ARID1A: variants seen among roughly 807,000 people sequenced by gnomAD.
ARID1A encodes AT-rich interaction domain 1A, also known as AT-rich interactive domain-containing protein 1A.
A neutral mutation model predicts 212.6 loss-of-function variants in ARID1A; 20 were observed. That is an observed-to-expected ratio of 0.09 (90% CI 0.07 to 0.14). The LOEUF (loss-of-function observed/expected upper bound fraction) is 0.14. Among genes scored for constraint, ARID1A ranks in the 10% least tolerant of loss-of-function variants. ARID1A has a pLI of 1.00. For synonymous variants in ARID1A, 1,376 were observed against 1,222.1 expected (o/e 1.13, Z -2.63); for missense variants, 2,587 against 3,059.0 (o/e 0.85, Z 3.64).
intron 4 of ARID1A, among the ~76,000 whole-genome samples, chr1:26,746,293 G>T (rs1468530359): frequency 1.3e-5 from 2 of 152,152 alleles, no homozygotes; most frequent in Admixed American, 1.3e-4. Context: ...TAGTCATCAT[G>T]GATGAACTCA....
chr1:26,724,132 A>G (rs1368137795), intron 1 of ARID1A, among the ~76,000 whole-genome samples: 1 of 152,170 alleles, frequency 6.6e-6, no homozygotes, highest in Admixed American at 6.5e-5. Context: ...CCAGGAATAA[A>G]TTGAAAGCAC....
At position 26,775,594 on chromosome 1, in the gene ARID1A, C is replaced by T. The variant is rs769528458; in HGVS notation, c.5011C>T (p.Arg1671Trp). Residue 1671 changes from arginine to tryptophan, a missense_variant, in exon 19 of 20, where the codon CGG (arginine) becomes TGG (tryptophan). Transcript: ENST00000324856. ...TATTTCAGGAACCCCGGAGGCATGG[C>T]GGGTAATGATGTCCCTCAAGTCTGG... ...MKDIGTPEAWRVMMSLKSGLL... is the reference protein window; with the variant it reads ...MKDIGTPEAWWVMMSLKSGLL... 9 of 1,613,902 alleles carry T rather than the reference C, an allele frequency of 5.6e-6. No homozygotes were observed. The highest frequency in any genetic ancestry group is 1.1e-5 in the South Asian group (1 of 91,066).
In ARID1A at chr1:26,773,814, T is replaced by C; in HGVS notation, c.4017T>C (p.Tyr1339=). 1 of 1,614,144 alleles carries C rather than the reference T, an allele frequency of 6.2e-7. No homozygotes were observed. The highest frequency in any genetic ancestry group is 8.5e-7 in the Non-Finnish European group (1 of 1,180,014). The change falls in exon 17 of 20, where the codon TAT becomes TAC. Residue 1339 remains tyrosine, a synonymous_variant. Coordinates refer to ENST00000324856, the MANE Select transcript of ARID1A (RefSeq NM_006015.6). The part of the protein sequence containing the change: ...QQQQQQRHDS[Y]GNQFSTQGTP... The stretch of plus-strand genomic sequence containing the variant: ...TTGCCTCCTATAGACATGATTCCTA[T>C]GGCAATCAGTTCTCCACCCAAGGCA...
chr1:26,713,556 C>T (rs1047245644), intron 1 of ARID1A, among the ~76,000 whole-genome samples: 1 of 152,052 alleles, frequency 6.6e-6, no homozygotes, highest in Non-Finnish European at 1.5e-5. Context: ...GACAGGGTTT[C>T]ACCATGTTGG....
intron 1 of ARID1A, among the ~76,000 whole-genome samples, chr1:26,707,685 CTTA>C (rs2080406565): frequency 6.6e-6 from 1 of 152,096 alleles, no homozygotes; most frequent in African/African-American, 2.4e-5. Flanking sequence ...CATTTGAGTA[CTTA>C]TTATGTGCTA....
intron 1 of ARID1A, 75 bp from the exon 2 acceptor site, chr1:26,729,576 T>C: frequency 6.5e-7 from 1 of 1,531,710 alleles, no homozygotes; most frequent in Admixed American, 1.7e-5. Context: ...TAAAAAAACC[T>C]GTGTACTTGG....
At chr1:26,766,191 G>A (rs751201318) in intron 8 of ARID1A, 30 bp from the exon 9 acceptor site, 2 of 1,607,502 alleles carry the variant, frequency 1.2e-6, no homozygotes, top group Admixed American at 3.4e-5. Context: ...TCTAACCTTT[G>A]TCTCTCTCAC....
intron 4 of ARID1A, among the ~76,000 whole-genome samples, chr1:26,754,444 T>C (rs1557604094): frequency 6.6e-6 from 1 of 152,192 alleles, no homozygotes; most frequent in Non-Finnish European, 1.5e-5. Flanking sequence ...TTGTTATATC[T>C]CTCATTCCAG....
In ARID1A at chr1:26,762,135, A is replaced by C. The variant is rs1433592501; in HGVS notation, c.2252-17A>C. On this transcript the variant is annotated splice_polypyrimidine_tract_variant and intron_variant, in intron 6 of 19. Coordinates refer to ENST00000324856, the MANE Select transcript of ARID1A (RefSeq NM_006015.6). ...TTGTATAAAGCTAATAACTATATGGATGCTACCCACAAATAGGTTATATGC... is the reference window on the plus strand; with the variant it reads ...TTGTATAAAGCTAATAACTATATGGCTGCTACCCACAAATAGGTTATATGC... 1.2e-6 allele frequency: 2 copies of C among 1,606,318 alleles called. No individual in the cohort carries two copies. The highest frequency in any genetic ancestry group is 1.7e-6 in the Non-Finnish European group (2 of 1,175,528).
At position 26,771,643 on chromosome 1, in the gene ARID1A, C is replaced by G; in HGVS notation, c.3406+317C>G. The G allele has an allele frequency of 5.1e-6, 2 of 393,092 alleles. No homozygotes were observed. The highest frequency in any genetic ancestry group is 2.8e-5 in the South Asian group (1 of 35,760). 24.4% of individuals were successfully genotyped at this position (393,092 alleles called of 1,614,324 possible). On this transcript the variant is annotated intron_variant, in intron 12 of 19. Coordinates refer to ENST00000324856, the MANE Select transcript of ARID1A (RefSeq NM_006015.6). This position sits in a 1 kb window ranked among gnomAD's most constrained non-coding sequence, Gnocchi z 5.4. ...ATAAATGGCAGCAAGGCAGGGCCAT[C>G]TGGGAGCTTTGGCCTATTGATGTCA... is the stretch of plus-strand genomic sequence containing the variant.
At position 26,760,893 on chromosome 1, in the gene ARID1A, C is replaced by G. The variant is rs2080985489; in HGVS notation, c.1958C>G (p.Thr653Arg). Residue 653 changes from threonine to arginine, a missense_variant, in exon 5 of 20, where the codon ACA becomes AGA. Thr to Arg is a moderately conservative substitution (Grantham distance 71). Around this residue, in one of 11 missense-constraint regions of ARID1A, gnomAD observed 674 missense variants for 813.4 expected, o/e 0.83. Coordinates refer to ENST00000324856, the MANE Select transcript of ARID1A (RefSeq NM_006015.6). ...SGSIDDLPMG[T>R]EGALSPGVST... ...TCAATAGATGACCTCCCCATGGGGACAGAAGGAGCTCTGAGTCCTGGAGTG... is the reference window on the plus strand; with the variant it reads ...TCAATAGATGACCTCCCCATGGGGAGAGAAGGAGCTCTGAGTCCTGGAGTG... The G allele has an allele frequency of 6.2e-7, 1 of 1,613,924 alleles. No homozygotes were observed. Among genetic ancestry groups the G allele is most frequent in the Non-Finnish European group, 8.5e-7 (1 of 1,179,914 alleles).
chr1:26,774,030 C>T lies in ARID1A; in HGVS notation c.4101+132C>T. The T allele has an allele frequency of 8.0e-7, 1 of 1,243,842 alleles. No homozygotes were observed. The highest frequency in any genetic ancestry group is 1.4e-5 in the South Asian group (1 of 70,510). The allele number at this position is 1,243,842 out of a possible 1,614,324, so 77.1% of individuals were successfully genotyped here. The stretch of plus-strand genomic sequence containing the variant: ...GGCATTCTTCTCTCACCTGACTGGC[C>T]AGTCCTGCCTGAAGAGCCACGTCCT... On this transcript the variant is annotated intron_variant, in intron 17 of 19. Transcript: ENST00000324856. This position sits in a 1 kb window ranked among gnomAD's most constrained non-coding sequence, Gnocchi z 5.6.
Position 26,772,479 on chromosome 1 carries a change from A to G in ARID1A, c.3407-21A>G, listed in dbSNP as rs753531400. The G allele has an allele frequency of 3.7e-6, 6 of 1,614,084 alleles. 1 individual carries two copies. The Admixed American group carries it at 1.0e-4, about 27-fold the overall frequency. ...CACTGTCATGCCAAGCAAACTACTCAACTTGTATCTCTGTCCACAGCGGGA... is the reference window on the plus strand; with the variant it reads ...CACTGTCATGCCAAGCAAACTACTCGACTTGTATCTCTGTCCACAGCGGGA... On this transcript the variant is annotated intron_variant, in intron 12 of 19. Transcript: ENST00000324856.
chr1:26,753,606 T>C (rs1277903667), intron 4 of ARID1A, among the ~76,000 whole-genome samples: 1 of 152,228 alleles, frequency 6.6e-6, no homozygotes, highest in Non-Finnish European at 1.5e-5. Flanking sequence ...GAAATTCTCC[T>C]GGCCCTGCTG....
chr1:26,778,942 T>TGG, intron 19 of ARID1A, 81 bp from the exon 20 acceptor site: 2 of 1,365,978 alleles, frequency 1.5e-6, no homozygotes, highest in Non-Finnish European at 2.0e-6. Flanking sequence ...ACAGAAGACT[T>TGG]GGGGAGGTCT....
At chr1:26,736,756 G>A (rs2080735008) in intron 4 of ARID1A, among the ~76,000 whole-genome samples, 1 of 151,482 alleles carries the variant, frequency 6.6e-6, no homozygotes, top group Admixed American at 6.6e-5. Flanking sequence ...TACAAAATTA[G>A]CCAGGCGTGG....
chr1:26,779,689 G>C lies in ARID1A; in HGVS notation c.5791G>C (p.Glu1931Gln), dbSNP rs587778052. Residue 1931 changes from glutamate (E) to glutamine (Q), a missense_variant, in exon 20 of 20, where the codon GAG becomes CAG. Glu to Gln is a conservative substitution (Grantham distance 29, BLOSUM62 2). Coordinates refer to ENST00000324856, the MANE Select transcript of ARID1A (RefSeq NM_006015.6). Reference sequence around the variant, plus strand: ...GACCGAGGATGGAGCTAAGAGTTCAGAGGCCATCAAGGAGAGCAGCAAGTT... The same window carrying C: ...GACCGAGGATGGAGCTAAGAGTTCACAGGCCATCAAGGAGAGCAGCAAGTT... ...TLTEDGAKSS[E>Q]AIKESSKFPF... is the part of the protein sequence containing the mutation. 6.2e-7 allele frequency: 1 copy of C among 1,613,994 alleles called. No individual in the cohort carries two copies. The highest frequency in any genetic ancestry group is 8.5e-7 in the Non-Finnish European group (1 of 1,180,050).
intron 18 of ARID1A, 34 bp from the exon 19 acceptor site, chr1:26,775,543 C>T (rs2124125883): frequency 6.2e-7 from 1 of 1,612,414 alleles, no homozygotes; most frequent in Non-Finnish European, 8.5e-7. Context: ...CCAACCTGGG[C>T]TTGGTGGATA....
intron 1 of ARID1A, among the ~76,000 whole-genome samples, chr1:26,723,528 G>C (rs747360563): frequency 6.6e-6 from 1 of 152,106 alleles, no homozygotes; most frequent in East Asian, 1.9e-4. Flanking sequence ...TGTTCTCTCG[G>C]CTCTTTCTGG....
Sources: allele counts gnomAD v4.1 joint callset (sites outside exome capture counted in the v4.1 genomes callset), GRCh38; gene constraint gnomAD v4.1.1; regional missense constraint gnomAD v4.1.1; non-coding constraint Gnocchi (gnomAD v3.1); transcripts MANE v1.5; gene names NCBI Gene and HGNC (gene_info 2026-07-23, HGNC 2026-07-21).